Variants in SEMA3A observed in about 807,000 individuals in gnomAD.
The protein encoded by SEMA3A is semaphorin-3A.
SEMA3A carries 29 observed loss-of-function variants against 97.9 expected under a neutral mutation model. That is an observed-to-expected ratio of 0.30 (90% confidence interval 0.22 to 0.40). The LOEUF (loss-of-function observed/expected upper bound fraction) is 0.40. SEMA3A is among the 10% of genes least tolerant of loss of function. The probability of loss-of-function intolerance (pLI) is 1.00; values close to 1 mark genes in which losing one functional copy is unlikely to be tolerated. For synonymous variants in SEMA3A, 321 were observed against 323.7 expected (o/e 0.99, Z 0.09); for missense variants, 763 against 951.3 (o/e 0.80, Z 2.60).
chr7:84,418,238 C>A (rs76547390), intron 1 of SEMA3A, among the ~76,000 whole-genome samples: 2 of 152,200 alleles, frequency 1.3e-5, no homozygotes, highest in East Asian at 1.9e-4. Flanking sequence ...ACACACAGTT[C>A]CACCTGACTG....
At chr7:84,394,647 A>G (rs1218639067) in intron 1 of SEMA3A, among the ~76,000 whole-genome samples, 1 of 152,160 alleles carries the variant, frequency 6.6e-6, no homozygotes. Context: ...TTTTAAAACT[A>G]AAACCTACAG....
At chr7:84,176,146 A>G (rs1216102008) in intron 1 of SEMA3A, among the ~76,000 whole-genome samples, 1 of 152,134 alleles carries the variant, frequency 6.6e-6, no homozygotes, top group Non-Finnish European at 1.5e-5. Flanking sequence ...GGGTTTATAA[A>G]TTGTTTAGGA....
At chr7:84,432,485 T>C (rs947845171) in intron 1 of SEMA3A, among the ~76,000 whole-genome samples, 1 of 152,116 alleles carries the variant, frequency 6.6e-6, no homozygotes, top group African/African-American at 2.4e-5. Flanking sequence ...AATGATCCCA[T>C]CACCCAAGTA....
At chr7:84,113,723 CCA>C (rs1217956802) in intron 3 of SEMA3A, among the ~76,000 whole-genome samples, 1 of 152,030 alleles carries the variant, frequency 6.6e-6, no homozygotes, top group East Asian at 1.9e-4. Flanking sequence ...AGTTGGCTTC[CCA>C]AGAGTCAGGC....
rs1792360478 is a variant in SEMA3A at position 84,046,543 on chromosome 7, G to A, written c.548-100C>T. On this transcript the variant is annotated intron_variant, in intron 5 of 16. Coordinates refer to ENST00000265362, the MANE Select transcript of SEMA3A (RefSeq NM_006080.3). Reference sequence around the variant, plus strand: ...AATGCAAGTTTCATGTTATGACCATGCTAAGAGGAAAACTGAAATGCTCTC... The same window carrying A: ...AATGCAAGTTTCATGTTATGACCATACTAAGAGGAAAACTGAAATGCTCTC... 5.1e-6 allele frequency: 7 copies of A among 1,379,236 alleles called. 1 individual carries two copies. The Admixed American group carries it at 7.4e-5, about 15-fold the overall frequency. 85.4% of individuals were successfully genotyped at this position (1,379,236 alleles called of 1,614,324 possible).
At chr7:84,491,753 T>C (rs749779201) in intron 1 of SEMA3A, among the ~76,000 whole-genome samples, 1 of 152,144 alleles carries the variant, frequency 6.6e-6, no homozygotes, top group Non-Finnish European at 1.5e-5. Context: ...AAATGCAAAA[T>C]AAACGCAATG....
chr7:84,012,339 ACTGT>A (rs775582981), intron 7 of SEMA3A, among the ~76,000 whole-genome samples: 36 of 152,274 alleles, frequency 2.4e-4, no homozygotes, highest in East Asian at 5.8e-4. Context: ...TACAATTCTT[ACTGT>A]CTATTAAAAT....
chr7:84,311,567 A>C lies in SEMA3A; in HGVS notation c.-168-4275T>G, dbSNP rs578136517. 2.0e-4 allele frequency among the ~76,000 whole-genome samples: 31 copies of C among 152,100 alleles called. No individual in the cohort carries two copies. The East Asian group carries it at 5.2e-3, about 26-fold the overall frequency. The stretch of plus-strand genomic sequence containing the variant: ...AGAGAAGACTAAAGATGAATGGTAA[A>C]GATTTATAGTACACCCTTCAGGGGT... On this transcript the variant is annotated intron_variant, in intron 2 of 3. Transcript: ENST00000424555.
chr7:84,364,617 T>C (rs1381400545), intron 2 of SEMA3A, among the ~76,000 whole-genome samples: 2 of 151,786 alleles, frequency 1.3e-5, no homozygotes, highest in Non-Finnish European at 2.9e-5. Flanking sequence ...TAAGCATTTA[T>C]TGTACTTCCA....
intron 3 of SEMA3A, chr7:84,306,520 T>A (rs1464681828): frequency 1.3e-5 from 2 of 152,190 alleles, no homozygotes; most frequent in Admixed American, 1.3e-4. Context: ...CCATTCCTTT[T>A]AATAGCAACA....
chr7:84,171,759 AT>A (rs1257859314), intron 1 of SEMA3A, among the ~76,000 whole-genome samples: 14 of 152,296 alleles, frequency 9.2e-5, no homozygotes, highest in African/African-American at 2.9e-4. Context: ...GATTAAAAAA[AT>A]ATATTAAGGG....
rs369717776 is a variant in SEMA3A, at chr7:84,001,952, C to T, written c.1452+3G>A. 2 of 1,604,732 alleles carry T rather than the reference C, an allele frequency of 1.2e-6. No homozygotes were observed. The highest frequency in any genetic ancestry group is 1.7e-6 in the Non-Finnish European group (2 of 1,172,348). ...TTGACACTTGAAATTAAGCAGCACT[C>T]ACCCGAAAAACTGTCATTTCTTCCA... is the stretch of plus-strand genomic sequence containing the variant. On this transcript the variant is annotated splice_donor_region_variant and intron_variant, in intron 12 of 16. Coordinates refer to ENST00000265362, the MANE Select transcript of SEMA3A (RefSeq NM_006080.3).
At chr7:84,170,845 G>T (rs995417206) in intron 1 of SEMA3A, among the ~76,000 whole-genome samples, 1 of 151,970 alleles carries the variant, frequency 6.6e-6, no homozygotes, top group African/African-American at 2.4e-5. Context: ...ATAACATTTT[G>T]GCTGCTTTTA....
chr7:84,211,792 A>C (rs1329515417), intron 3 of SEMA3A, among the ~76,000 whole-genome samples: 1 of 152,204 alleles, frequency 6.6e-6, no homozygotes, highest in Non-Finnish European at 1.5e-5. Flanking sequence ...TTAGGTACCC[A>C]TAAGCATTTG....
chr7:84,039,640 G>A (rs1428056751), intron 6 of SEMA3A, among the ~76,000 whole-genome samples: 1 of 152,102 alleles, frequency 6.6e-6, no homozygotes, highest in East Asian at 1.9e-4. Flanking sequence ...CAATTTGCTT[G>A]TAAATTGAGA....
chr7:84,209,346 C>G (rs1020942557), intron 3 of SEMA3A, among the ~76,000 whole-genome samples: 17 of 152,082 alleles, frequency 1.1e-4, no homozygotes, highest in African/African-American at 4.1e-4. Context: ...TGAGTGCAGG[C>G]TCAGGTTTAG....
At chr7:84,148,641 T>G (rs1358421131) in intron 1 of SEMA3A, among the ~76,000 whole-genome samples, 1 of 152,186 alleles carries the variant, frequency 6.6e-6, no homozygotes, top group Non-Finnish European at 1.5e-5. Flanking sequence ...TTTTCTAAGT[T>G]GATCCTTGAA....
intron 3 of SEMA3A, among the ~76,000 whole-genome samples, chr7:84,248,708 T>A (rs568262089): frequency 6.6e-6 from 1 of 152,222 alleles, no homozygotes; most frequent in East Asian, 1.9e-4. Flanking sequence ...CTAAAACAAC[T>A]CCACTCTTTG....
At chr7:84,425,532 G>A (rs1264206589) in intron 1 of SEMA3A, among the ~76,000 whole-genome samples, 6 of 140,108 alleles carry the variant, frequency 4.3e-5, no homozygotes, top group Admixed American at 7.4e-5. Context: ...AAGCATAAAC[G>A]TATATTTATA....
Sources: gnomAD v4.1 joint callset for allele counts (sites outside exome capture counted in the v4.1 genomes callset) on GRCh38, gnomAD v4.1.1 for gene constraint, MANE v1.5 for transcripts, NCBI Gene and HGNC (gene_info 2026-07-23, HGNC 2026-07-21) for gene names.